The following PLCH2 variants were observed in gnomAD, a reference collection of about 807,000 sequenced individuals.
The protein encoded by PLCH2 is phospholipase C eta 2.
In PLCH2, 98 loss-of-function variants were observed where a neutral mutation model predicts 134.7. The ratio of observed to expected loss-of-function variants is 0.73; its 90% CI spans 0.62 to 0.86. The LOEUF (loss-of-function observed/expected upper bound fraction) is 0.86, where lower values mean the gene tolerates loss of function less well. PLCH2 is among the 40% of genes least tolerant of loss of function. The pLI is 0.00. For synonymous variants in PLCH2, 974 were observed against 827.5 expected (o/e 1.18, Z -3.04); for missense variants, 1,994 against 1,986.6 (o/e 1.00, Z -0.07).
chr1:2,420,582 C>G, the PLCH2 span, among the ~76,000 whole-genome samples: 1 of 152,148 alleles, frequency 6.6e-6, no homozygotes, highest in Admixed American at 6.5e-5. Flanking sequence ...TTCTCAGGAC[C>G]CCAGGGCTGG....
At position 2,439,466 on chromosome 1, in the gene PLCH2, T is replaced by C. The variant is rs981124365; in HGVS notation, c.115+8837T>C. ...ACCCGTTCGTTGTCTTGAGTTCTGA[T>C]TGAGAACGGGACGTCTTCAGACCAG... On this transcript the variant is annotated intron_variant, in intron 2 of 3. Coordinates refer to the PLCH2 transcript ENST00000609981. The surrounding 1 kb of genome is among the most constrained non-coding windows in gnomAD (Gnocchi z 4.7). Among the ~76,000 whole-genome samples, 1 of 152,230 alleles carries C rather than the reference T, an allele frequency of 6.6e-6. No individual in the cohort carries two copies. The highest frequency in any genetic ancestry group is 1.5e-5 in the Non-Finnish European group (1 of 68,040).
upstream of PLCH2, among the ~76,000 whole-genome samples, chr1:2,424,943 T>G (rs1210458500): frequency 6.6e-6 from 1 of 151,580 alleles, no homozygotes; most frequent in Non-Finnish European, 1.5e-5. Flanking sequence ...CTGAGATTGC[T>G]CCACTGCACT....
intron 11 of PLCH2, chr1:2,492,735 G>C (rs1312956848): frequency 1.3e-5 from 2 of 152,356 alleles, no homozygotes; most frequent in Middle Eastern, 3.1e-3. Flanking sequence ...GGGTGTCTGT[G>C]CACTGGGGGT....
intron 2 of PLCH2, among the ~76,000 whole-genome samples, chr1:2,458,770 G>T (rs563195433): frequency 6.6e-6 from 1 of 152,220 alleles, no homozygotes; most frequent in Non-Finnish European, 1.5e-5. Context: ...ATCTGCACAG[G>T]GATGATCTCG....
At chr1:2,447,824 G>A (rs985900587) in intron 2 of PLCH2, among the ~76,000 whole-genome samples, 7 of 152,304 alleles carry the variant, frequency 4.6e-5, no homozygotes, top group African/African-American at 1.7e-4. Context: ...CCAGCCGACC[G>A]GGAACCGGGG....
intron 10 of PLCH2, 49 bp from the exon 11 acceptor site, chr1:2,491,143 T>G (rs889680607): frequency 1.9e-6 from 3 of 1,567,940 alleles, no homozygotes; most frequent in Non-Finnish European, 2.6e-6. Flanking sequence ...TTGCCACTAC[T>G]CGCAGGGCTC....
rs1383609597 is a variant in PLCH2, at chr1:2,436,499, C to T, written c.115+5870C>T. Among the ~76,000 whole-genome samples, 2 of 51,030 alleles carry T rather than the reference C, an allele frequency of 3.9e-5. 1 individual carries two copies. The allele number at this position is 51,030 out of a possible 152,430, so 33.5% of individuals were successfully genotyped here. ...CCTCCCTCCTCCCCTCCTCCCTCCT[C>T]CTCCTTTCCTCCTTCCTCCCTCCTC... On this transcript the variant is annotated intron_variant, in intron 2 of 3. Coordinates refer to the PLCH2 transcript ENST00000609981.
chr1:2,419,922 C>T, the PLCH2 span, among the ~76,000 whole-genome samples: 152 of 152,102 alleles, frequency 1.0e-3, no homozygotes, highest in African/African-American at 3.5e-3. Flanking sequence ...TGCCCGTAGT[C>T]GGCTCTTGCC....
intron 2 of PLCH2, among the ~76,000 whole-genome samples, chr1:2,436,159 C>G (rs1168705139): frequency 1.5e-5 from 2 of 134,840 alleles, no homozygotes; most frequent in African/African-American, 5.7e-5. Context: ...TCCCTGCTCC[C>G]TCCTCCCTTC....
At chr1:2,499,843 T>C in intron 20 of PLCH2, 123 bp downstream of exon 20, 1 of 743,758 alleles carries the variant, frequency 1.3e-6, no homozygotes, top group Non-Finnish European at 2.3e-6. Context: ...TAGGGTCCCC[T>C]CCCCGGGCCT....
chr1:2,447,418 C>T (rs529795538), intron 2 of PLCH2, among the ~76,000 whole-genome samples: 4 of 152,190 alleles, frequency 2.6e-5, no homozygotes, highest in Admixed American at 2.6e-4. Context: ...CAGGGCTCCC[C>T]CTCCCCTCCC....
chr1:2,478,707 G>T, intron 2 of PLCH2, 85 bp downstream of exon 2: 3 of 1,368,484 alleles, frequency 2.2e-6, no homozygotes. Context: ...GCCACTGATG[G>T]CTGAGGAGCA....
In PLCH2 at chr1:2,484,429, C is replaced by T; in HGVS notation, c.646-19C>T. The T allele has an allele frequency of 6.2e-7, 1 of 1,612,392 alleles. No individual in the cohort carries two copies. The highest frequency in any genetic ancestry group is 1.3e-5 in the African/African-American group (1 of 74,952). On this transcript the variant is annotated intron_variant, in intron 4 of 21. Transcript: ENST00000378486. ...CCCTGGTCGAGGTGCCAATGGGGAC[C>T]CAAGGCCTTGCATTGCAGGAAGCGG... is the stretch of plus-strand genomic sequence containing the variant.
intron 12 of PLCH2, 72 bp downstream of exon 12, chr1:2,495,020 C>T (rs2100711869): frequency 9.4e-7 from 1 of 1,063,880 alleles, no homozygotes; most frequent in East Asian, 2.5e-5. Flanking sequence ...GCCCCGTGTC[C>T]TCCCTGCTCC....
Position 2,504,247 on chromosome 1 carries a change from G to C in PLCH2, c.3285G>C (p.Lys1095Asn). The C allele has an allele frequency of 6.3e-7, 1 of 1,587,324 alleles. No homozygotes were observed. Among genetic ancestry groups the C allele is most frequent in the Non-Finnish European group, 8.6e-7 (1 of 1,168,506 alleles). Reference protein sequence around the residue: ...LGHLPVIRRVKSEGQVPTEPL... With the variant: ...LGHLPVIRRVNSEGQVPTEPL... ...ACCTGCCCGTGATTAGAAGGGTGAA[G>C]AGTGAGGGGCAGGTGCCCACGGAGC... The change falls in exon 22 of 22, where the codon AAG becomes AAC. Residue 1095 changes from lysine (K) to asparagine (N), a missense_variant. Lys to Asn is a moderately conservative substitution (Grantham distance 94, BLOSUM62 0). Transcript: ENST00000378486.
intron 2 of PLCH2, among the ~76,000 whole-genome samples, chr1:2,445,464 G>A (rs1461345760): frequency 2.6e-5 from 4 of 151,330 alleles, no homozygotes; most frequent in African/African-American, 7.3e-5. Flanking sequence ...CTCGGGGCTC[G>A]GGGCTTGGTC....
intron 1 of PLCH2, among the ~76,000 whole-genome samples, chr1:2,467,830 C>T (rs1641139741): frequency 2.6e-5 from 4 of 152,148 alleles, no homozygotes. Context: ...TCCGGGAGCA[C>T]GGCCCAATGA....
At chr1:2,477,341 G>A (rs560241025) in intron 1 of PLCH2, among the ~76,000 whole-genome samples, 7 of 152,122 alleles carry the variant, frequency 4.6e-5, no homozygotes, top group South Asian at 2.1e-4. Flanking sequence ...CATGTGCCCC[G>A]GAGAGCCCAG....
At chr1:2,502,754 G>A (rs946061560) in intron 21 of PLCH2, 9 of 716,528 alleles carry the variant, frequency 1.3e-5, no homozygotes, top group South Asian at 1.2e-4. Flanking sequence ...CATGTCCTCG[G>A]ACTCCAGCAG....
Sources: gnomAD v4.1 joint callset for allele counts (sites outside exome capture counted in the v4.1 genomes callset) on GRCh38, gnomAD v4.1.1 for gene constraint, Gnocchi (gnomAD v3.1) non-coding constraint, MANE v1.5 for transcripts, NCBI Gene and HGNC (gene_info 2026-07-23, HGNC 2026-07-21) for gene names.